Variants in STK32B observed in about 807,000 individuals in gnomAD.
The protein encoded by STK32B is serine/threonine-protein kinase 32B.
In STK32B, 43 loss-of-function variants were observed where a neutral mutation model predicts 52.6. The observed-to-expected ratio is 0.82, with a 90% CI of 0.64 to 1.05. The LOEUF (loss-of-function observed/expected upper bound fraction) is 1.05, where lower values mean the gene tolerates loss of function less well. Among genes scored for constraint, STK32B ranks in the 50% least tolerant of loss-of-function variants. STK32B has a pLI of 0.00. For missense variants in STK32B, 621 were observed against 534.6 expected, an observed-to-expected ratio of 1.16 and a Z score of -1.59; for synonymous variants, 238 against 204.3, an observed-to-expected ratio of 1.17 and a Z score of -1.41.
chr4:5,082,734 A>G (rs999716484), intron 1 of STK32B, among the ~76,000 whole-genome samples: 49 of 152,260 alleles, frequency 3.2e-4, no homozygotes, highest in African/African-American at 1.1e-3. Context: ...TCGTAGTAAA[A>G]AAAAAAAAAT....
At chr4:5,371,657 G>A (rs1475965589) in intron 4 of STK32B, among the ~76,000 whole-genome samples, 1 of 152,170 alleles carries the variant, frequency 6.6e-6, no homozygotes, top group Non-Finnish European at 1.5e-5. Flanking sequence ...ATTTGCCAAA[G>A]GGGCCAGATC....
chr4:5,247,141 C>G (rs541323537), intron 3 of STK32B, among the ~76,000 whole-genome samples: 1 of 152,322 alleles, frequency 6.6e-6, no homozygotes, highest in East Asian at 1.9e-4. Flanking sequence ...TTATTGCTGT[C>G]TTTTGTTTGT....
chr4:5,494,582 G>T (rs1316854845), intron 11 of STK32B, among the ~76,000 whole-genome samples: 2 of 152,044 alleles, frequency 1.3e-5, no homozygotes, highest in South Asian at 2.1e-4. Context: ...TACATTTAAG[G>T]TTAATATTGT....
chr4:5,295,922 C>T (rs71489529), intron 3 of STK32B, among the ~76,000 whole-genome samples: 3,700 of 152,110 alleles, frequency 0.024, 150 homozygotes, highest in African/African-American at 0.084. Flanking sequence ...AAATTTCTCT[C>T]TAAACACTGC....
intron 3 of STK32B, among the ~76,000 whole-genome samples, chr4:5,215,413 C>T (rs1437775718): frequency 6.6e-6 from 1 of 152,054 alleles, no homozygotes; most frequent in African/African-American, 2.4e-5. Context: ...TCCAAATGAA[C>T]CTATTCAGTC....
At chr4:5,090,287 T>C (rs1712998486) in intron 1 of STK32B, among the ~76,000 whole-genome samples, 1 of 152,074 alleles carries the variant, frequency 6.6e-6, no homozygotes, top group East Asian at 1.9e-4. Flanking sequence ...TCTTTGCCCA[T>C]GACTGTGTCC....
At position 5,400,961 on chromosome 4, in the gene STK32B, G is replaced by C. The variant is rs947444676; in HGVS notation, c.472+2717G>C. On this transcript the variant is annotated intron_variant, in intron 5 of 11. Coordinates refer to ENST00000282908, the MANE Select transcript of STK32B (RefSeq NM_018401.3). The surrounding 1 kb of genome is among the most constrained non-coding windows in gnomAD (Gnocchi z 6.1). ...GGTCGGGCAGAGGGGAGAGGGAAAG[G>C]TGTGTGCGGGGTTGTCTTAGAGGCA... 6.6e-6 allele frequency among the ~76,000 whole-genome samples: 1 copy of C among 152,136 alleles called. No individual in the cohort carries two copies. The highest frequency in any genetic ancestry group is 2.4e-5 in the African/African-American group (1 of 41,418).
At chr4:5,288,058 T>G (rs1002435516) in intron 3 of STK32B, among the ~76,000 whole-genome samples, 1 of 152,214 alleles carries the variant, frequency 6.6e-6, no homozygotes, top group Admixed American at 6.5e-5. Flanking sequence ...GTTTTCAAGA[T>G]TCACCCATGT....
At chr4:5,211,404 TGG>T (rs1194618989) in intron 3 of STK32B, among the ~76,000 whole-genome samples, 1 of 148,288 alleles carries the variant, frequency 6.7e-6, no homozygotes, top group Non-Finnish European at 1.5e-5. Flanking sequence ...AGCTACCACT[TGG>T]GGAGAAATAG....
At chr4:5,074,093 C>T (rs746421115) in intron 1 of STK32B, among the ~76,000 whole-genome samples, 1 of 151,966 alleles carries the variant, frequency 6.6e-6, no homozygotes, top group Non-Finnish European at 1.5e-5. Flanking sequence ...TTATTTGTCT[C>T]TCTCCTCCTT....
At chr4:5,083,347 T>C (rs546493985) in intron 1 of STK32B, among the ~76,000 whole-genome samples, 25 of 152,304 alleles carry the variant, frequency 1.6e-4, no homozygotes, top group Non-Finnish European at 3.4e-4. Context: ...AAAGTCCACT[T>C]GATTGTGGAA....
chr4:5,176,985 T>A (rs73210299), intron 3 of STK32B, among the ~76,000 whole-genome samples: 1 of 152,108 alleles, frequency 6.6e-6, no homozygotes, highest in African/African-American at 2.4e-5. Context: ...AATGACATTA[T>A]AATGCCTTGT....
chr4:5,424,403 G>T (rs1010081615), intron 6 of STK32B, among the ~76,000 whole-genome samples: 1 of 152,194 alleles, frequency 6.6e-6, no homozygotes, highest in Admixed American at 6.5e-5. Context: ...ACTGACCGGA[G>T]TGAGAACTTG....
intron 4 of STK32B, among the ~76,000 whole-genome samples, chr4:5,364,383 C>T (rs1256129652): frequency 6.6e-6 from 1 of 152,208 alleles, no homozygotes; most frequent in Non-Finnish European, 1.5e-5. Context: ...TCCTGCTTTG[C>T]AGGTCCCTGC....
chr4:5,091,456 C>A (rs1485445770), intron 1 of STK32B, among the ~76,000 whole-genome samples: 1 of 151,746 alleles, frequency 6.6e-6, no homozygotes, highest in Non-Finnish European at 1.5e-5. Context: ...TACAAATGAT[C>A]AATAAACACA....
At chr4:5,446,568 A>AC (rs1432833223) in intron 6 of STK32B, 105 bp from the exon 7 acceptor site, 10 of 916,680 alleles carry the variant, frequency 1.1e-5, no homozygotes, top group Middle Eastern at 2.3e-4. Context: ...AAAAAAAACA[A>AC]AAAAAAAAAA....
Position 5,470,711 on chromosome 4 carries a change from G to C in STK32B, c.1106+2641G>C, listed in dbSNP as rs1289081293. 6.6e-6 allele frequency among the ~76,000 whole-genome samples: 1 copy of C among 152,162 alleles called. No individual in the cohort carries two copies. Among genetic ancestry groups the C allele is most frequent in the East Asian group, 1.9e-4 (1 of 5,184 alleles). On this transcript the variant is annotated intron_variant, in intron 11 of 11. Transcript: ENST00000282908. This position sits in a 1 kb window ranked among gnomAD's most constrained non-coding sequence, Gnocchi z 4.6. The stretch of plus-strand genomic sequence containing the variant: ...GCAGTTTCTCAGCAGTAAAAAAAAT[G>C]CCTATGAGAAGTTGATTCATGACTC...
chr4:5,134,627 TAAA>T (rs1444081593), intron 1 of STK32B, among the ~76,000 whole-genome samples: 1 of 152,242 alleles, frequency 6.6e-6, no homozygotes, highest in Non-Finnish European at 1.5e-5. Context: ...GTCTAATTTT[TAAA>T]TACTGTAACT....
intron 3 of STK32B, among the ~76,000 whole-genome samples, chr4:5,200,590 C>G (rs1261870230): frequency 6.6e-6 from 1 of 152,104 alleles, no homozygotes; most frequent in Non-Finnish European, 1.5e-5. Context: ...TGGCAAAACT[C>G]TCATGCCTCA....
Sources: allele counts gnomAD v4.1 joint callset (sites outside exome capture counted in the v4.1 genomes callset), GRCh38; gene constraint gnomAD v4.1.1; non-coding constraint Gnocchi (gnomAD v3.1); transcripts MANE v1.5; gene names NCBI Gene and HGNC (gene_info 2026-07-23, HGNC 2026-07-21).